The following KCND2 variants were observed in gnomAD, a reference collection of about 807,000 sequenced individuals.
KCND2 encodes the protein A-type voltage-gated potassium channel KCND2.
In KCND2, 16 loss-of-function variants were observed where a neutral mutation model predicts 54.4. The observed-to-expected ratio is 0.29, with a 90% confidence interval of 0.20 to 0.45. The LOEUF (loss-of-function observed/expected upper bound fraction) is 0.45. Among genes scored for constraint, KCND2 ranks in the 20% least tolerant of loss-of-function variants. The pLI is 1.00. For missense variants in KCND2, 486 were observed against 824.2 expected, an observed-to-expected ratio of 0.59 and a Z score of 5.02; for synonymous variants, 317 against 310.7, an observed-to-expected ratio of 1.02 and a Z score of -0.21.
At chr7:120,383,545 A>G (rs1449862050) in intron 1 of KCND2, among the ~76,000 whole-genome samples, 1 of 150,840 alleles carries the variant, frequency 6.6e-6, no homozygotes, top group Non-Finnish European at 1.5e-5. Flanking sequence ...TTTAGTCAAA[A>G]GTCACCAACT....
chr7:120,351,242 G>GTATATATATATATA (rs974625104), intron 1 of KCND2, among the ~76,000 whole-genome samples: 1 of 47,512 alleles, frequency 2.1e-5, no homozygotes, highest in Admixed American at 2.6e-4. Context: ...ATTTATATGT[G>GTATATATATATATA]TGTATATATA....
chr7:120,645,150 A>T (rs1401452886), intron 1 of KCND2, among the ~76,000 whole-genome samples: 1 of 152,258 alleles, frequency 6.6e-6, no homozygotes, highest in East Asian at 1.9e-4. Context: ...AACTAAATAA[A>T]GTGATGGAAT....
chr7:120,319,166 TC>T (rs1290403495), intron 1 of KCND2, among the ~76,000 whole-genome samples: 41 of 152,070 alleles, frequency 2.7e-4, no homozygotes, highest in African/African-American at 9.9e-4. Flanking sequence ...TAGAGATGAC[TC>T]TATTATCTTT....
chr7:120,721,709 G>T (rs1408937463), intron 1 of KCND2, among the ~76,000 whole-genome samples: 3 of 152,100 alleles, frequency 2.0e-5, no homozygotes, highest in African/African-American at 7.2e-5. Context: ...AAGAACTTTG[G>T]AATCGTTAGC....
At chr7:120,628,853 T>A (rs139366662) in intron 1 of KCND2, among the ~76,000 whole-genome samples, 2 of 152,108 alleles carry the variant, frequency 1.3e-5, no homozygotes, top group Non-Finnish European at 2.9e-5. Context: ...TCTGAATTAA[T>A]TCAATAAATT....
chr7:120,737,087 AAAAAAACAAAAC>A (rs1792883587), intron 2 of KCND2, among the ~76,000 whole-genome samples: 1 of 149,554 alleles, frequency 6.7e-6, no homozygotes, highest in African/African-American at 2.5e-5. Context: ...AACAAAAAAA[AAAAAAACAAAAC>A]AAAAAACAGA....
intron 1 of KCND2, among the ~76,000 whole-genome samples, chr7:120,320,982 C>T (rs1799886615): frequency 6.6e-6 from 1 of 152,052 alleles, no homozygotes. Flanking sequence ...CTTTTGTTTC[C>T]AAGTTTCGAA....
chr7:120,389,555 A>G (rs1012772414), intron 1 of KCND2, among the ~76,000 whole-genome samples: 8 of 151,838 alleles, frequency 5.3e-5, no homozygotes, highest in African/African-American at 1.7e-4. Context: ...ACTCCTAGTA[A>G]CTACCCACCT....
At chr7:120,591,867 C>T (rs1288114100) in intron 1 of KCND2, among the ~76,000 whole-genome samples, 5 of 152,172 alleles carry the variant, frequency 3.3e-5, no homozygotes, top group Admixed American at 6.5e-5. Context: ...ATTCCTTCGA[C>T]GTAATAGATG....
At chr7:120,363,480 T>A (rs1292290271) in intron 1 of KCND2, among the ~76,000 whole-genome samples, 1 of 152,114 alleles carries the variant, frequency 6.6e-6, no homozygotes, top group Non-Finnish European at 1.5e-5. Context: ...GATTCCAAGC[T>A]CTTTCTCTGA....
chr7:120,594,942 C>T (rs1056879284), intron 1 of KCND2, among the ~76,000 whole-genome samples: 1 of 151,692 alleles, frequency 6.6e-6, no homozygotes, highest in Non-Finnish European at 1.5e-5. Context: ...ATCGCTTAAA[C>T]CCGGGAGGCG....
chr7:120,638,731 T>C (rs1368222963), intron 1 of KCND2, among the ~76,000 whole-genome samples: 2 of 152,114 alleles, frequency 1.3e-5, no homozygotes, highest in Non-Finnish European at 2.9e-5. Flanking sequence ...TAGTTCAAGA[T>C]GGAAAGTCCT....
At chr7:120,516,699 C>T (rs553619939) in intron 1 of KCND2, among the ~76,000 whole-genome samples, 2 of 152,170 alleles carry the variant, frequency 1.3e-5, no homozygotes, top group East Asian at 3.9e-4. Flanking sequence ...ATAAAAATTT[C>T]CTGAATTTAA....
intron 1 of KCND2, among the ~76,000 whole-genome samples, chr7:120,549,185 T>C (rs1792077745): frequency 6.6e-6 from 1 of 152,092 alleles, no homozygotes; most frequent in Admixed American, 6.6e-5. Context: ...GTGGAAATTT[T>C]GAAAGGAAGA....
chr7:120,614,170 G>A (rs1044882856), intron 1 of KCND2, among the ~76,000 whole-genome samples: 35 of 152,014 alleles, frequency 2.3e-4, no homozygotes, highest in Non-Finnish European at 3.8e-4. Context: ...CCGCCACCAC[G>A]CCCAGCTACT....
chr7:120,557,309 G>A (rs1418117200), intron 1 of KCND2, among the ~76,000 whole-genome samples: 1 of 151,814 alleles, frequency 6.6e-6, no homozygotes, highest in African/African-American at 2.4e-5. Flanking sequence ...ATCTTTTCTT[G>A]CTATTTTGAA....
chr7:120,327,293 A>G (rs1341569583), intron 1 of KCND2, among the ~76,000 whole-genome samples: 2 of 152,106 alleles, frequency 1.3e-5, no homozygotes, highest in Non-Finnish European at 2.9e-5. Flanking sequence ...AACCTTTCAG[A>G]TGTAGATGTG....
At chr7:120,432,187 T>A (rs1015316964) in intron 1 of KCND2, among the ~76,000 whole-genome samples, 1 of 152,198 alleles carries the variant, frequency 6.6e-6, no homozygotes, top group Admixed American at 6.6e-5. Context: ...AGTACTCAAA[T>A]GACAAGATTT....
intron 1 of KCND2, among the ~76,000 whole-genome samples, chr7:120,664,474 G>T (rs1378751401): frequency 6.6e-6 from 1 of 151,852 alleles, no homozygotes; most frequent in East Asian, 1.9e-4. Flanking sequence ...ATGAAGGGAG[G>T]AAGGGAGGAA....
Sources: allele counts gnomAD v4.1 joint callset (sites outside exome capture counted in the v4.1 genomes callset), GRCh38; gene constraint gnomAD v4.1.1; transcripts MANE v1.5; gene names NCBI Gene and HGNC (gene_info 2026-07-23, HGNC 2026-07-21).